Variants in ATRNL1 observed in about 807,000 individuals in gnomAD.
ATRNL1 encodes attractin-like protein 1.
In ATRNL1, 95 loss-of-function variants were observed where a neutral mutation model predicts 182.7. That is an observed-to-expected ratio of 0.52 (90% confidence interval 0.44 to 0.62). ATRNL1 has a LOEUF of 0.62. ATRNL1 is among the 20% of genes least tolerant of loss of function. ATRNL1 has a pLI of 0.00. For synonymous variants in ATRNL1, 576 were observed against 568.3 expected (o/e 1.01, Z -0.19); for missense variants, 1,471 against 1,679.5 (o/e 0.88, Z 2.17).
chr10:115,420,274 C>A (rs1845591126), intron 20 of ATRNL1, among the ~76,000 whole-genome samples: 1 of 151,976 alleles, frequency 6.6e-6, no homozygotes, highest in African/African-American at 2.4e-5. Flanking sequence ...GAACTCCTGA[C>A]CTTAGGTGAT....
intron 21 of ATRNL1, among the ~76,000 whole-genome samples, chr10:115,440,461 C>G (rs1846616770): frequency 1.3e-5 from 2 of 151,886 alleles, no homozygotes; most frequent in African/African-American, 4.8e-5. Context: ...ATACCAAATT[C>G]AAATATCTTA....
rs116265602 is a variant in ATRNL1, at chr10:115,310,281, A to C, written c.2819-5237A>C. ...GTTGAGGATTTTTTCATTTATGTTC[A>C]TCAGGGATATTAGTCTGTAGTTTTC... On this transcript the variant is annotated intron_variant, in intron 17 of 28. Transcript: ENST00000355044. 8.6e-3 allele frequency among the ~76,000 whole-genome samples: 1,304 copies of C among 152,240 alleles called. 19 individuals carry two copies. Among genetic ancestry groups the C allele is most frequent in the African/African-American group, 0.028 (1,160 of 41,546 alleles).
At chr10:115,105,979 C>T (rs537907552) in intron 1 of ATRNL1, among the ~76,000 whole-genome samples, 41 of 152,304 alleles carry the variant, frequency 2.7e-4, no homozygotes, top group African/African-American at 9.4e-4. Context: ...AAGAGGGCCA[C>T]TGTCCTGCAG....
At position 115,663,688 on chromosome 10, in the gene ATRNL1, A is replaced by G. The variant is rs781876807; in HGVS notation, c.3796-63560A>G. 6.6e-5 allele frequency among the ~76,000 whole-genome samples: 10 copies of G among 152,108 alleles called. No homozygotes were observed. The South Asian group carries it at 8.3e-4, about 13-fold the overall frequency. On this transcript the variant is annotated intron_variant, in intron 26 of 28. Transcript: ENST00000355044. ...AGTTCAATGTAGTCATATGTCATCA[A>G]GTAGAACTTTTTGGGGGAGATGAGG...
At chr10:115,742,868 TA>T (rs1948177899) in intron 27 of ATRNL1, among the ~76,000 whole-genome samples, 1 of 152,108 alleles carries the variant, frequency 6.6e-6, no homozygotes, top group South Asian at 2.1e-4. Flanking sequence ...ACACTGCTAA[TA>T]AAGACATACC....
chr10:115,123,694 C>T (rs1844840189), intron 3 of ATRNL1, among the ~76,000 whole-genome samples: 1 of 152,156 alleles, frequency 6.6e-6, no homozygotes, highest in South Asian at 2.1e-4. Context: ...AGTCCATGGC[C>T]TGTTAGCAAC....
At chr10:115,110,538 G>A (rs1304451624) in intron 1 of ATRNL1, among the ~76,000 whole-genome samples, 1 of 152,088 alleles carries the variant, frequency 6.6e-6, no homozygotes, top group Non-Finnish European at 1.5e-5. Context: ...CTTTTCTGGA[G>A]CCTCTGGATA....
At chr10:115,901,573 A>G (rs887933182) in intron 28 of ATRNL1, among the ~76,000 whole-genome samples, 50 of 151,948 alleles carry the variant, frequency 3.3e-4, no homozygotes, top group African/African-American at 1.2e-3. Context: ...CCTTTGTCTC[A>G]TTTCTCACTG....
At chr10:115,939,298 T>C (rs1188264811) in intron 28 of ATRNL1, among the ~76,000 whole-genome samples, 1 of 152,180 alleles carries the variant, frequency 6.6e-6, no homozygotes, top group Non-Finnish European at 1.5e-5. Context: ...GAGCAGCCAC[T>C]GGGCCTGCTC....
At chr10:115,115,113 C>G (rs1374055450) in intron 1 of ATRNL1, among the ~76,000 whole-genome samples, 1 of 152,014 alleles carries the variant, frequency 6.6e-6, no homozygotes, top group African/African-American at 2.4e-5. Flanking sequence ...TTAGGTTATG[C>G]AAAATAAGCT....
At chr10:115,376,395 C>A (rs551656705) in intron 19 of ATRNL1, among the ~76,000 whole-genome samples, 1 of 152,174 alleles carries the variant, frequency 6.6e-6, no homozygotes, top group East Asian at 1.9e-4. Context: ...TCAAGCAATC[C>A]TCCTGCCTTG....
intron 26 of ATRNL1, among the ~76,000 whole-genome samples, chr10:115,572,508 A>C (rs1854458778): frequency 6.6e-6 from 1 of 152,142 alleles, no homozygotes; most frequent in Non-Finnish European, 1.5e-5. Flanking sequence ...TGGTACCTTA[A>C]CCTAAACCAT....
At chr10:115,348,357 G>T (rs537223105) in intron 19 of ATRNL1, among the ~76,000 whole-genome samples, 1 of 152,058 alleles carries the variant, frequency 6.6e-6, no homozygotes, top group Non-Finnish European at 1.5e-5. Flanking sequence ...CATAAATGTG[G>T]TACTTTATAT....
intron 26 of ATRNL1, among the ~76,000 whole-genome samples, chr10:115,638,999 G>A (rs1239930232): frequency 6.6e-6 from 1 of 152,078 alleles, no homozygotes; most frequent in African/African-American, 2.4e-5. Context: ...AATAAAGGCT[G>A]AAAACTATCC....
intron 27 of ATRNL1, among the ~76,000 whole-genome samples, chr10:115,827,909 C>T (rs1235132511): frequency 1.3e-5 from 2 of 152,118 alleles, no homozygotes; most frequent in Non-Finnish European, 2.9e-5. Flanking sequence ...CTCCTTCTTG[C>T]TCAGCACCCA....
chr10:115,767,128 G>C (rs1025626167), intron 27 of ATRNL1, among the ~76,000 whole-genome samples: 7 of 152,086 alleles, frequency 4.6e-5, no homozygotes, highest in Admixed American at 4.6e-4. Context: ...TCTTCTCAGT[G>C]CTTCTGCGAT....
At chr10:115,634,101 G>A (rs748531814) in intron 26 of ATRNL1, among the ~76,000 whole-genome samples, 7 of 151,898 alleles carry the variant, frequency 4.6e-5, no homozygotes, top group Non-Finnish European at 8.8e-5. Context: ...TAATGATACC[G>A]AGCTCTGAAA....
chr10:115,293,585 T>G (rs782390524), intron 15 of ATRNL1, among the ~76,000 whole-genome samples: 5 of 152,200 alleles, frequency 3.3e-5, no homozygotes, highest in Non-Finnish European at 7.4e-5. Context: ...ATGTTCATTA[T>G]GTTGGTTATC....
In ATRNL1 at chr10:115,585,802, T is replaced by A. The variant is rs1855474489; in HGVS notation, c.3795+36266T>A. ...TGAATTTGATCCTGTCATTATGATA[T>A]TAGCTGGTTATTTTGCTGGTTAGTT... On this transcript the variant is annotated intron_variant, in intron 26 of 28. Coordinates refer to ENST00000355044, the MANE Select transcript of ATRNL1 (RefSeq NM_207303.4). 2.9e-5 allele frequency among the ~76,000 whole-genome samples: 2 copies of A among 69,274 alleles called. 1 individual carries two copies. Among genetic ancestry groups the A allele is most frequent in the Admixed American group, 2.7e-4 (2 of 7,422 alleles). 45.4% of individuals were successfully genotyped at this position (69,274 alleles called of 152,430 possible). A position where few individuals can be genotyped will look rare whatever the true frequency, so the allele number is the denominator to read the frequency against.
Sources: gnomAD v4.1 joint callset for allele counts (sites outside exome capture counted in the v4.1 genomes callset) on GRCh38, gnomAD v4.1.1 for gene constraint, MANE v1.5 for transcripts, NCBI Gene and HGNC (gene_info 2026-07-23, HGNC 2026-07-21) for gene names.